MCC: variants seen among roughly 807,000 people sequenced by gnomAD.
MCC encodes the protein MCC regulator of Wnt signaling pathway, also known as colorectal mutant cancer protein.
A neutral mutation model predicts 116.2 loss-of-function variants in MCC; 90 were observed. The observed-to-expected ratio is 0.77, with a 90% CI of 0.65 to 0.92. The LOEUF (loss-of-function observed/expected upper bound fraction) is 0.92, where lower values mean the gene tolerates loss of function less well. Ranked by LOEUF, MCC falls within the 40% of genes least tolerant of loss-of-function variation. MCC has a pLI of 0.00. For missense variants in MCC, 1,516 were observed against 1,312.2 expected, an observed-to-expected ratio of 1.16 and a Z score of -2.40; for synonymous variants, 578 against 510.5, an observed-to-expected ratio of 1.13 and a Z score of -1.78.
intron 1 of MCC, among the ~76,000 whole-genome samples, chr5:113,464,780 A>G (rs982807907): frequency 1.7e-5 from 2 of 117,216 alleles, no homozygotes; most frequent in African/African-American, 6.7e-5. Flanking sequence ...AATATATACT[A>G]TCAAATAGCA....
intron 3 of MCC, among the ~76,000 whole-genome samples, chr5:113,309,174 C>G (rs1256001931): frequency 1.3e-5 from 2 of 152,122 alleles, no homozygotes; most frequent in Admixed American, 6.5e-5. Context: ...AATATGAAAC[C>G]CATTTACTGT....
rs1487317780 is a variant in MCC at position 113,024,626 on chromosome 5, A to G, written c.*2676T>C. ...GAAATCTGAAGGTTTTTAACCTCAT[A>G]TAAATTAGAATCAAGATCATTGTTT... On this transcript the variant is annotated 3_prime_UTR_variant, in exon 19 of 19. Coordinates refer to ENST00000408903, the MANE Select transcript of MCC (RefSeq NM_001085377.2). 3 of 152,226 alleles carry G rather than the reference A, an allele frequency of 2.0e-5. No individual in the cohort carries two copies. The highest frequency in any genetic ancestry group is 2.9e-5 in the Non-Finnish European group (2 of 68,026). 9.4% of individuals were successfully genotyped at this position (152,226 alleles called of 1,614,324 possible). A position where few individuals can be genotyped will look rare whatever the true frequency, so the allele number is the denominator to read the frequency against.
At chr5:113,315,536 A>C (rs959915630) in intron 3 of MCC, among the ~76,000 whole-genome samples, 2 of 152,148 alleles carry the variant, frequency 1.3e-5, no homozygotes, top group African/African-American at 4.8e-5. Flanking sequence ...AGCAGCATCC[A>C]AAAAGGTCAA....
chr5:113,486,011 G>C (rs1772514651), intron 1 of MCC, among the ~76,000 whole-genome samples: 1 of 152,220 alleles, frequency 6.6e-6, no homozygotes, highest in Admixed American at 6.5e-5. Context: ...AGTGGCTTCA[G>C]AGAGGGAATC....
At chr5:113,328,933 A>G (rs1333444546) in intron 3 of MCC, among the ~76,000 whole-genome samples, 2 of 152,166 alleles carry the variant, frequency 1.3e-5, no homozygotes, top group African/African-American at 2.4e-5. Context: ...TGATTTCCCA[A>G]TGACACTGCC....
chr5:113,372,639 T>G (rs1027060269), intron 2 of MCC, among the ~76,000 whole-genome samples: 1 of 152,214 alleles, frequency 6.6e-6, no homozygotes, highest in African/African-American at 2.4e-5. Flanking sequence ...ATTTCAAGTT[T>G]ACACTAAGAA....
chr5:113,038,801 C>G lies in MCC; in HGVS notation c.2756+4729G>C, dbSNP rs1751490744. ...GGCAGCTTGCCTACTTCTTATTCAG[C>G]AGAGAGGGGAAAGGAAGCCCTCTTC... On this transcript the variant is annotated intron_variant, in intron 17 of 18. Coordinates refer to ENST00000408903, the MANE Select transcript of MCC (RefSeq NM_001085377.2). Among the ~76,000 whole-genome samples the G allele has an allele frequency of 2.6e-5, 4 of 152,254 alleles. No homozygotes were observed. In the South Asian group the frequency reaches 6.2e-4, roughly 24 times the overall value.
chr5:113,043,673 C>T (rs753031694), intron 16 of MCC, 43 bp from the exon 17 acceptor site: 33 of 1,444,340 alleles, frequency 2.3e-5, no homozygotes, highest in Non-Finnish European at 3.1e-5. Context: ...GAATCCAAGC[C>T]GGCAGCACCC....
At chr5:113,051,954 G>A (rs1004987108) in intron 15 of MCC, among the ~76,000 whole-genome samples, 6 of 152,010 alleles carry the variant, frequency 3.9e-5, no homozygotes, top group African/African-American at 1.2e-4. Flanking sequence ...AAAAGGGGAC[G>A]GCTCTGATAT....
At chr5:113,053,491 A>G (rs1445791607) in intron 15 of MCC, among the ~76,000 whole-genome samples, 1 of 145,486 alleles carries the variant, frequency 6.9e-6, no homozygotes, top group Non-Finnish European at 1.5e-5. Flanking sequence ...AAGGGCTCCA[A>G]AGTTGGGCTG....
In MCC at chr5:113,027,029, C is replaced by A; in HGVS notation, c.*273G>T. On this transcript the variant is annotated 3_prime_UTR_variant, in exon 19 of 19. Transcript: ENST00000408903. Reference sequence around the variant, plus strand: ...GGAGGGGGAGAGTGAGTGCTGAAAGCAGAAACGAGGCTCTGCTGAGCAGGC... The same window carrying A: ...GGAGGGGGAGAGTGAGTGCTGAAAGAAGAAACGAGGCTCTGCTGAGCAGGC... 2.5e-6 allele frequency: 1 copy of A among 393,116 alleles called. No individual in the cohort carries two copies. The highest frequency in any genetic ancestry group is 4.5e-6 in the Non-Finnish European group (1 of 221,278). The allele number at this position is 393,116 out of a possible 1,614,324, so 24.4% of individuals were successfully genotyped here.
At chr5:113,286,963 ATATT>A (rs1766286433) in intron 3 of MCC, among the ~76,000 whole-genome samples, 1 of 152,234 alleles carries the variant, frequency 6.6e-6, no homozygotes, top group African/African-American at 2.4e-5. Flanking sequence ...GTTCCAGTAA[ATATT>A]TACTCTATAA....
At chr5:113,457,035 A>ACTTT (rs1353704738) in intron 1 of MCC, among the ~76,000 whole-genome samples, 1 of 152,158 alleles carries the variant, frequency 6.6e-6, no homozygotes, top group African/African-American at 2.4e-5. Flanking sequence ...CTGGGCTCCC[A>ACTTT]CTTTGGTGGC....
chr5:113,175,378 T>G (rs1284986811), intron 3 of MCC, among the ~76,000 whole-genome samples: 2 of 152,174 alleles, frequency 1.3e-5, no homozygotes, highest in Non-Finnish European at 2.9e-5. Flanking sequence ...TTTATTCTGC[T>G]TATCTTAAGA....
intron 3 of MCC, among the ~76,000 whole-genome samples, chr5:113,281,640 T>C (rs492346): frequency 0.66 from 100,421 of 152,132 alleles, 35,257 homozygotes; most frequent in African/African-American, 0.91. Flanking sequence ...ATTCTGGCTC[T>C]GTGAATCCAG....
intron 3 of MCC, among the ~76,000 whole-genome samples, chr5:113,237,494 G>C (rs1764175602): frequency 6.6e-6 from 1 of 152,172 alleles, no homozygotes. Context: ...TGGCAAGCCA[G>C]GAGAATTGGT....
chr5:113,445,746 C>G (rs1330037347), intron 1 of MCC, among the ~76,000 whole-genome samples: 1 of 152,104 alleles, frequency 6.6e-6, no homozygotes, highest in Non-Finnish European at 1.5e-5. Context: ...TAGAAAAAAA[C>G]TATTCTAATA....
At chr5:113,474,792 C>T (rs1449568387) in intron 1 of MCC, among the ~76,000 whole-genome samples, 1 of 152,074 alleles carries the variant, frequency 6.6e-6, no homozygotes, top group East Asian at 1.9e-4. Flanking sequence ...ATAAAATTGC[C>T]AACACATTTT....
intron 11 of MCC, among the ~76,000 whole-genome samples, chr5:113,079,496 T>A (rs1286173483): frequency 6.6e-6 from 1 of 152,002 alleles, no homozygotes; most frequent in Non-Finnish European, 1.5e-5. Flanking sequence ...CCCTCAGAAA[T>A]AATACCGCAC....
Sources: gnomAD v4.1 joint callset for allele counts (sites outside exome capture counted in the v4.1 genomes callset) on GRCh38, gnomAD v4.1.1 for gene constraint, MANE v1.5 for transcripts, NCBI Gene and HGNC (gene_info 2026-07-23, HGNC 2026-07-21) for gene names.